Variants in SIRT1 observed in about 807,000 individuals in gnomAD.
SIRT1 encodes the protein NAD-dependent protein deacetylase sirtuin-1.
SIRT1 carries 24 observed loss-of-function variants against 67.9 expected under a neutral mutation model. The observed-to-expected ratio is 0.35, with a 90% CI of 0.26 to 0.50. The LOEUF is 0.50. Among genes scored for constraint, SIRT1 ranks in the 20% least tolerant of loss-of-function variants. The probability of loss-of-function intolerance (pLI) is 0.98; values close to 1 mark genes in which losing one functional copy is unlikely to be tolerated. For missense variants in SIRT1, 873 were observed against 937.2 expected (o/e 0.93, Z 0.89); for synonymous variants, 378 against 350.7 (o/e 1.08, Z -0.87).
At chr10:67,903,994 A>G (rs766240444) in intron 4 of SIRT1, among the ~76,000 whole-genome samples, 4 of 152,130 alleles carry the variant, frequency 2.6e-5, no homozygotes, top group African/African-American at 4.8e-5. Flanking sequence ...GTTAATCCAT[A>G]TTCTATCTGT....
intron 6 of SIRT1, 23 bp downstream of exon 6, chr10:67,908,148 G>A: frequency 1.9e-6 from 3 of 1,594,128 alleles, no homozygotes; most frequent in Non-Finnish European, 2.6e-6. Flanking sequence ...CCATATTTTA[G>A]GAATTGTTCA....
rs980414808 is a variant in SIRT1 at position 67,907,052 on chromosome 10, T to C, written c.1090+115T>C. On this transcript the variant is annotated intron_variant, in intron 5 of 8. Transcript: ENST00000212015. The stretch of plus-strand genomic sequence containing the variant: ...GATAAAGCATTATTTAATCATGTTA[T>C]CTCATTTATCGATAACCTCAGAAAA... 1.7e-5 allele frequency: 16 copies of C among 935,882 alleles called. No individual in the cohort carries two copies. In the African/African-American group the frequency reaches 2.8e-4, roughly 16 times the overall value. The allele number at this position is 935,882 out of a possible 1,614,324, so 58.0% of individuals were successfully genotyped here.
chr10:67,904,114 G>GTTT (rs371262925), intron 4 of SIRT1, among the ~76,000 whole-genome samples: 4 of 135,892 alleles, frequency 2.9e-5, no homozygotes, highest in South Asian at 2.4e-4. Context: ...AGATTTTTTA[G>GTTT]TTTTTTTTGT....
At chr10:67,885,515 C>G (rs962233864) in intron 1 of SIRT1, 81 of 696,642 alleles carry the variant, frequency 1.2e-4, no homozygotes, top group Non-Finnish European at 1.5e-4. Context: ...ATTTTCATTG[C>G]TTTTCTCCTC....
At chr10:67,904,141 TTTTTTTA>T (rs1842786532) in intron 4 of SIRT1, among the ~76,000 whole-genome samples, 1 of 150,352 alleles carries the variant, frequency 6.7e-6, no homozygotes. Flanking sequence ...TTTTTTTTTT[TTTTTTTA>T]AAGGCTCTCA....
chr10:67,896,912 G>A (rs1431396219), intron 4 of SIRT1, among the ~76,000 whole-genome samples: 1 of 152,002 alleles, frequency 6.6e-6, no homozygotes, highest in African/African-American at 2.4e-5. Flanking sequence ...TTTAATCCCA[G>A]CCCTTTGGAA....
At chr10:67,915,262 A>G (rs2029879169) in intron 8 of SIRT1, among the ~76,000 whole-genome samples, 1 of 152,170 alleles carries the variant, frequency 6.6e-6, no homozygotes, top group Admixed American at 6.5e-5. Context: ...GCTTTTGAGA[A>G]TTCGTCTGGG....
chr10:67,891,282 A>G, intron 3 of SIRT1, 120 bp from the exon 4 acceptor site: 2 of 794,842 alleles, frequency 2.5e-6, no homozygotes, highest in African/African-American at 1.7e-5. Context: ...TATTTCTTAA[A>G]AGAAGTTTCA....
At chr10:67,886,787 C>T (rs1337472277) in intron 1 of SIRT1, among the ~76,000 whole-genome samples, 1 of 151,502 alleles carries the variant, frequency 6.6e-6, no homozygotes, top group Non-Finnish European at 1.5e-5. Context: ...TGTAAATGTC[C>T]ATTTATTACA....
At chr10:67,885,434 T>C in intron 1 of SIRT1, 6 of 1,207,064 alleles carry the variant, frequency 5.0e-6, no homozygotes, top group Non-Finnish European at 6.2e-6. Flanking sequence ...TAAAATAAGT[T>C]TCTCTCCCCC....
chr10:67,916,821 A>T lies in SIRT1; in HGVS notation c.*228A>T, dbSNP rs200076477. On this transcript the variant is annotated 3_prime_UTR_variant, in exon 9 of 9. Transcript: ENST00000212015. ...TTTTTTTAAAAAAAAAAAGGTACTA[A>T]GTATCTTCAATCAGCTGTTGGTCAA... is the stretch of plus-strand genomic sequence containing the variant. The T allele has an allele frequency of 3.5e-5, 10 of 283,360 alleles. No individual in the cohort carries two copies. Among genetic ancestry groups the T allele is most frequent in the Non-Finnish European group, 6.7e-5 (10 of 149,226 alleles). 17.6% of individuals were successfully genotyped at this position (283,360 alleles called of 1,614,324 possible). A position where few individuals can be genotyped will look rare whatever the true frequency, so the allele number is the denominator to read the frequency against.
At chr10:67,915,204 C>CAA (rs1416134670) in intron 8 of SIRT1, among the ~76,000 whole-genome samples, 1 of 152,118 alleles carries the variant, frequency 6.6e-6, no homozygotes, top group Non-Finnish European at 1.5e-5. Flanking sequence ...GTTCGAGAGC[C>CAA]ACTTTGGAGA....
At chr10:67,887,338 A>G in intron 1 of SIRT1, 79 bp from the exon 2 acceptor site, 1 of 887,388 alleles carries the variant, frequency 1.1e-6, no homozygotes, top group Non-Finnish European at 1.9e-6. Context: ...ACTCGATGAA[A>G]ATGATTGCTC....
rs1159040328 is a variant in SIRT1, at chr10:67,918,122, T to C, written c.*1529T>C. 1 of 152,658 alleles carries C rather than the reference T, an allele frequency of 6.6e-6. No homozygotes were observed. Among genetic ancestry groups the C allele is most frequent in the Non-Finnish European group, 1.5e-5 (1 of 68,038 alleles). The allele number at this position is 152,658 out of a possible 1,614,324, so 9.5% of individuals were successfully genotyped here. A position where few individuals can be genotyped will look rare whatever the true frequency, so the allele number is the denominator to read the frequency against. Reference sequence around the variant, plus strand: ...TGGCTACACTAAAGAATGCAGTATATTTAGTTTTCCATTTGCATGATGTTT... The same window carrying C: ...TGGCTACACTAAAGAATGCAGTATACTTAGTTTTCCATTTGCATGATGTTT... On this transcript the variant is annotated 3_prime_UTR_variant, in exon 9 of 9. Transcript: ENST00000212015.
intron 8 of SIRT1, 139 bp downstream of exon 8, chr10:67,913,170 C>G: frequency 1.2e-6 from 1 of 845,168 alleles, no homozygotes; most frequent in Non-Finnish European, 1.8e-6. Context: ...AGTTCGTAAT[C>G]AGAAAGGTAA....
chr10:67,897,369 A>G (rs192413484), intron 4 of SIRT1, among the ~76,000 whole-genome samples: 46 of 144,464 alleles, frequency 3.2e-4, no homozygotes, highest in African/African-American at 7.9e-4. Flanking sequence ...CTCACTTGCA[A>G]CCTCCGCCTC....
intron 4 of SIRT1, among the ~76,000 whole-genome samples, chr10:67,896,279 C>T (rs11596401): frequency 0.47 from 71,237 of 152,000 alleles, 20,713 homozygotes; most frequent in Non-Finnish European, 0.66. Flanking sequence ...ACCATAGGCA[C>T]GTACCATATA....
chr10:67,897,074 T>TGAACCTGGGAGGC (rs559548031), intron 4 of SIRT1, among the ~76,000 whole-genome samples: 142 of 151,710 alleles, frequency 9.4e-4, no homozygotes, highest in African/African-American at 3.4e-3. Context: ...CAGAATCACT[T>TGAACCTGGGAGGC]GAACCTGGGA....
intron 2 of SIRT1, among the ~76,000 whole-genome samples, chr10:67,887,745 T>G (rs964234585): frequency 3.3e-5 from 5 of 152,142 alleles, no homozygotes; most frequent in African/African-American, 1.2e-4. Context: ...CCCGGCTAAT[T>G]TTGAATTTTT....
Sources: gnomAD v4.1 joint callset for allele counts (sites outside exome capture counted in the v4.1 genomes callset) on GRCh38, gnomAD v4.1.1 for gene constraint, MANE v1.5 for transcripts, NCBI Gene and HGNC (gene_info 2026-07-23, HGNC 2026-07-21) for gene names.